Variants in RANBP2 observed in about 807,000 individuals in gnomAD.
The protein encoded by RANBP2 is RAN binding protein 2, also known as E3 SUMO-protein ligase RanBP2.
RANBP2 carries 57 observed loss-of-function variants against 303.6 expected under a neutral mutation model. That is an observed-to-expected ratio of 0.19 (90% CI 0.15 to 0.23). RANBP2 has a LOEUF of 0.23. Ranked by LOEUF, RANBP2 falls within the 10% of genes least tolerant of loss-of-function variation. The pLI, the probability that RANBP2 is intolerant of heterozygous loss-of-function variation, is 1.00. For synonymous variants in RANBP2, 1,167 were observed against 1,301.5 expected (o/e 0.90, Z 2.23); for missense variants, 3,138 against 3,780.8 (o/e 0.83, Z 4.46).
chr2:109,652,316 A>G, the RANBP2 span, among the ~76,000 whole-genome samples: 10 of 150,070 alleles, frequency 6.7e-5, no homozygotes, highest in African/African-American at 1.7e-4. Context: ...TCCGCCTCCC[A>G]GGTTCACGCC....
At chr2:109,173,268 G>T in the RANBP2 span, among the ~76,000 whole-genome samples, 1 of 152,252 alleles carries the variant, frequency 6.6e-6, no homozygotes, top group African/African-American at 2.4e-5. Flanking sequence ...CTCAGAACCT[G>T]GGATTGAGAT....
chr2:109,271,790 T>C, the RANBP2 span, among the ~76,000 whole-genome samples: 1 of 152,252 alleles, frequency 6.6e-6, no homozygotes, highest in African/African-American at 2.4e-5. Context: ...AGGCCCACAA[T>C]GTATCTGACT....
At chr2:109,742,143 CA>C in the RANBP2 span, among the ~76,000 whole-genome samples, 1 of 71,906 alleles carries the variant, frequency 1.4e-5, no homozygotes, top group Non-Finnish European at 2.8e-5. Flanking sequence ...AGATATAGGC[CA>C]GGGGAGGTGG....
chr2:109,481,235 A>C, the RANBP2 span, among the ~76,000 whole-genome samples: 1 of 152,202 alleles, frequency 6.6e-6, no homozygotes, highest in African/African-American at 2.4e-5. Context: ...GGGTCCCCCC[A>C]CACAGGTCTC....
chr2:108,766,595 T>C lies in RANBP2; in HGVS notation c.6056T>C (p.Met2019Thr). ...DDIHFEPVVQ[M>T]PEKVELVTGE... ...ATCCATTTTGAACCAGTAGTTCAAA[T>C]GCCCGAAAAAGTAGAACTTGTAACA... is the stretch of plus-strand genomic sequence containing the variant. Residue 2019 changes from methionine (M) to threonine (T), a missense_variant, in exon 20 of 29, where the codon ATG becomes ACG. This residue lies in a region of RANBP2 where 348 missense variants were observed against 360.4 expected (regional missense o/e 0.97). Transcript: ENST00000283195. 1 of 1,611,940 alleles carries C rather than the reference T, an allele frequency of 6.2e-7. No individual in the cohort carries two copies. Among genetic ancestry groups the C allele is most frequent in the Non-Finnish European group, 8.5e-7 (1 of 1,179,838 alleles).
the RANBP2 span, among the ~76,000 whole-genome samples, chr2:108,860,450 T>C: frequency 6.6e-6 from 1 of 152,094 alleles, no homozygotes. Flanking sequence ...CCCCATTAAA[T>C]ATGATATTGA....
downstream of RANBP2, among the ~76,000 whole-genome samples, chr2:108,789,692 T>G (rs1459866690): frequency 6.6e-6 from 1 of 152,186 alleles, no homozygotes; most frequent in Non-Finnish European, 1.5e-5. Context: ...TGCATTGTAT[T>G]TAGGTGATTG....
chr2:108,961,335 A>G, the RANBP2 span, among the ~76,000 whole-genome samples: 2 of 152,280 alleles, frequency 1.3e-5, no homozygotes, highest in African/African-American at 2.4e-5. Context: ...CCCAGGACCC[A>G]CCAGTCTAGG....
At chr2:109,182,680 A>G in the RANBP2 span, among the ~76,000 whole-genome samples, 15 of 152,342 alleles carry the variant, frequency 9.8e-5, no homozygotes, top group African/African-American at 3.4e-4. Context: ...TAATGCTTTG[A>G]GGCTAGGCTG....
At chr2:109,747,899 T>C in the RANBP2 span, among the ~76,000 whole-genome samples, 1 of 138,336 alleles carries the variant, frequency 7.2e-6, no homozygotes, top group Admixed American at 7.6e-5. Context: ...GTCTTGCATT[T>C]CCATCAAACT....
the RANBP2 span, chr2:109,565,970 C>A: frequency 3.0e-6 from 3 of 985,140 alleles, no homozygotes; most frequent in South Asian, 1.4e-5. Flanking sequence ...CTATTAAAAT[C>A]GAATGGTCAG....
chr2:108,768,561 A>G (rs1309748932), intron 20 of RANBP2, among the ~76,000 whole-genome samples, 173 bp downstream of exon 20: 5 of 152,238 alleles, frequency 3.3e-5, no homozygotes, highest in Admixed American at 6.5e-5. Flanking sequence ...GAGGTTTCAA[A>G]GAGCAAGAGA....
the RANBP2 span, among the ~76,000 whole-genome samples, chr2:109,488,055 C>G: frequency 2.0e-5 from 3 of 152,214 alleles, no homozygotes; most frequent in Non-Finnish European, 2.9e-5. Flanking sequence ...CAAGGCCACC[C>G]AGGTCTCCTG....
chr2:109,054,265 G>A, the RANBP2 span, among the ~76,000 whole-genome samples: 3 of 152,204 alleles, frequency 2.0e-5, no homozygotes, highest in Non-Finnish European at 2.9e-5. Flanking sequence ...GTCTATGCAA[G>A]AGGAGCTTCA....
chr2:108,843,226 T>C, the RANBP2 span, among the ~76,000 whole-genome samples: 2 of 152,154 alleles, frequency 1.3e-5, no homozygotes, highest in African/African-American at 2.4e-5. Context: ...GGCATGATCT[T>C]GGCTCACTGC....
the RANBP2 span, among the ~76,000 whole-genome samples, chr2:108,809,661 AT>A: frequency 6.6e-6 from 1 of 151,944 alleles, no homozygotes; most frequent in Non-Finnish European, 1.5e-5. Flanking sequence ...AATGCTACTG[AT>A]TTTTGTATGT....
the RANBP2 span, among the ~76,000 whole-genome samples, chr2:109,360,401 G>A: frequency 1.6e-4 from 24 of 152,086 alleles, no homozygotes; most frequent in Non-Finnish European, 2.5e-4. Flanking sequence ...TTGTAGGCTC[G>A]ATGTACACAA....
chr2:109,223,610 A>G, the RANBP2 span, among the ~76,000 whole-genome samples: 4,814 of 152,056 alleles, frequency 0.032, 224 homozygotes, highest in African/African-American at 0.1. Flanking sequence ...AGCACCATGC[A>G]GACAACTGGA....
chr2:108,979,075 T>C, the RANBP2 span, among the ~76,000 whole-genome samples: 1 of 152,186 alleles, frequency 6.6e-6, no homozygotes, highest in Non-Finnish European at 1.5e-5. Context: ...ACATTCAGTG[T>C]TGTGGAAAAC....
Sources: allele counts gnomAD v4.1 joint callset (sites outside exome capture counted in the v4.1 genomes callset), GRCh38; gene constraint gnomAD v4.1.1; regional missense constraint gnomAD v4.1.1; transcripts MANE v1.5; gene names NCBI Gene and HGNC (gene_info 2026-07-23, HGNC 2026-07-21).